The following RALYL variants were observed in gnomAD, a reference collection of about 807,000 sequenced individuals.
RALYL encodes the protein RALY RNA binding protein like.
Under a neutral mutation model 35.1 loss-of-function variants are expected in RALYL, and 29 were observed. That is an observed-to-expected ratio of 0.83 (90% CI 0.61 to 1.13). The LOEUF (loss-of-function observed/expected upper bound fraction) is 1.13. Among genes scored for constraint, RALYL ranks in the 50% most tolerant of loss-of-function variants. The pLI is 0.00. For missense variants in RALYL, 359 were observed against 360.4 expected (o/e 1.00, Z 0.03); for synonymous variants, 120 against 127.6 (o/e 0.94, Z 0.40).
At chr8:84,456,226 A>C (rs974503579) in intron 1 of RALYL, among the ~76,000 whole-genome samples, 3 of 151,974 alleles carry the variant, frequency 2.0e-5, no homozygotes, top group Non-Finnish European at 4.4e-5. Context: ...GGATCCCCCA[A>C]AAGTTTTTGA....
chr8:84,795,834 C>G (rs1821789930), intron 3 of RALYL, among the ~76,000 whole-genome samples: 1 of 152,188 alleles, frequency 6.6e-6, no homozygotes, highest in Non-Finnish European at 1.5e-5. Flanking sequence ...GATTTGACCT[C>G]TCAGCTTTAG....
intron 4 of RALYL, among the ~76,000 whole-genome samples, chr8:84,819,162 A>T: frequency 6.6e-6 from 1 of 152,154 alleles, no homozygotes; most frequent in East Asian, 1.9e-4. Flanking sequence ...CAGTGCTACC[A>T]CAAAATTAAT....
At chr8:84,490,235 A>C (rs1169367097) in intron 1 of RALYL, among the ~76,000 whole-genome samples, 1 of 151,864 alleles carries the variant, frequency 6.6e-6, no homozygotes, top group Non-Finnish European at 1.5e-5. Context: ...CTGCCCATTA[A>C]AAAATTTTCT....
At chr8:84,920,804 C>A in intron 8 of RALYL, 90 bp from the exon 9 acceptor site, 2 of 488,206 alleles carry the variant, frequency 4.1e-6, no homozygotes, top group South Asian at 5.7e-5. Context: ...CTGATCTAAC[C>A]TTAAAATCTA....
intron 1 of RALYL, among the ~76,000 whole-genome samples, chr8:84,253,289 A>C (rs1443214099): frequency 1.4e-5 from 2 of 143,796 alleles, no homozygotes; most frequent in Admixed American, 1.5e-4. Context: ...TTCCGGGTTC[A>C]AGCTATTCTC....
At chr8:84,660,292 CTAAT>C (rs1311947314) in intron 2 of RALYL, among the ~76,000 whole-genome samples, 11 of 151,648 alleles carry the variant, frequency 7.3e-5, no homozygotes, top group Middle Eastern at 3.5e-3. Flanking sequence ...TTTTTGTGTC[CTAAT>C]TAGTTTATTA....
intron 2 of RALYL, among the ~76,000 whole-genome samples, chr8:84,623,201 T>C (rs1292213171): frequency 1.3e-5 from 2 of 152,204 alleles, no homozygotes; most frequent in Non-Finnish European, 2.9e-5. Context: ...GTTGTTTTAT[T>C]GTATTGTTTA....
chr8:84,885,847 C>T (rs1165029502), intron 7 of RALYL, among the ~76,000 whole-genome samples: 1 of 152,020 alleles, frequency 6.6e-6, no homozygotes, highest in Admixed American at 6.6e-5. Context: ...AAGAGCATAC[C>T]GTCTACCTTT....
chr8:84,806,639 C>T (rs1344623), intron 4 of RALYL, among the ~76,000 whole-genome samples: 151,896 of 152,226 alleles, frequency 1, 75,783 homozygotes, highest in East Asian at 1. Context: ...ACATAAGATA[C>T]TGCTTATGTC....
At chr8:84,185,559 A>C (rs1038162838) in intron 1 of RALYL, among the ~76,000 whole-genome samples, 2 of 152,048 alleles carry the variant, frequency 1.3e-5, no homozygotes, top group Non-Finnish European at 2.9e-5. Context: ...TTTCTGTCCA[A>C]ATAAATTTCC....
chr8:84,839,711 C>G (rs1237033989), intron 4 of RALYL, among the ~76,000 whole-genome samples: 1 of 152,252 alleles, frequency 6.6e-6, no homozygotes, highest in East Asian at 1.9e-4. Flanking sequence ...AACTGGGAGG[C>G]ACTCCCCAGT....
chr8:84,608,307 C>T (rs1372127263), intron 2 of RALYL, among the ~76,000 whole-genome samples: 1 of 152,116 alleles, frequency 6.6e-6, no homozygotes, highest in Admixed American at 6.6e-5. Flanking sequence ...ATGGGCCAAT[C>T]TGTCCCTGCA....
Position 84,490,071 on chromosome 8 carries a change from T to G in RALYL, c.-23-39228T>G, listed in dbSNP as rs189419821. Reference sequence around the variant, plus strand: ...CAGAGAATAGTGGAAGTCAGAGTGCTTGCGTGCATGTGTGTGTGTGTGTGT... The same window carrying G: ...CAGAGAATAGTGGAAGTCAGAGTGCGTGCGTGCATGTGTGTGTGTGTGTGT... On this transcript the variant is annotated intron_variant, in intron 1 of 8. Transcript: ENST00000521268. 3.6e-3 allele frequency among the ~76,000 whole-genome samples: 470 copies of G among 129,006 alleles called. 3 individuals carry two copies. Among genetic ancestry groups the G allele is most frequent in the African/African-American group, 0.012 (445 of 35,950 alleles). 84.6% of individuals were successfully genotyped at this position (129,006 alleles called of 152,430 possible).
chr8:84,396,359 A>C (rs1328347732), intron 1 of RALYL, among the ~76,000 whole-genome samples: 1 of 152,132 alleles, frequency 6.6e-6, no homozygotes, highest in African/African-American at 2.4e-5. Flanking sequence ...AAAGATCATC[A>C]AATCTCAGGT....
In RALYL at chr8:84,220,107, G is replaced by A. The variant is rs534310164; in HGVS notation, c.-24+35683G>A. On this transcript the variant is annotated intron_variant, in intron 1 of 8. Transcript: ENST00000521268. ...TGCGTAATTTGGATATGGTCAACCA[G>A]TGCTTCATACCAAGATAGCTAATTG... Among the ~76,000 whole-genome samples, 6 of 152,124 alleles carry A rather than the reference G, an allele frequency of 3.9e-5. No individual in the cohort carries two copies. In the South Asian group the frequency reaches 1.0e-3, roughly 26 times the overall value.
intron 2 of RALYL, among the ~76,000 whole-genome samples, chr8:84,569,482 A>G (rs1423327197): frequency 6.6e-6 from 1 of 151,610 alleles, no homozygotes; most frequent in East Asian, 1.9e-4. Flanking sequence ...TCTAGATATT[A>G]TTAGTCCTTT....
chr8:84,920,517 T>A (rs888231312), intron 8 of RALYL, among the ~76,000 whole-genome samples: 3 of 152,044 alleles, frequency 2.0e-5, no homozygotes, highest in Admixed American at 6.6e-5. Flanking sequence ...GTAGTAGGGG[T>A]ATCCTATGGT....
At chr8:84,373,103 T>A (rs558694313) in intron 1 of RALYL, among the ~76,000 whole-genome samples, 4 of 151,426 alleles carry the variant, frequency 2.6e-5, no homozygotes, top group Non-Finnish European at 5.9e-5. Flanking sequence ...TTTTTTTTCT[T>A]ATGAATTTAA....
chr8:84,841,609 C>T (rs1273383925), intron 4 of RALYL, among the ~76,000 whole-genome samples: 2 of 152,140 alleles, frequency 1.3e-5, no homozygotes, highest in Non-Finnish European at 2.9e-5. Flanking sequence ...AGCTCTGCAC[C>T]AAGAGGACCT....
Sources: allele counts gnomAD v4.1 joint callset (sites outside exome capture counted in the v4.1 genomes callset), GRCh38; gene constraint gnomAD v4.1.1; transcripts MANE v1.5; gene names NCBI Gene and HGNC (gene_info 2026-07-23, HGNC 2026-07-21).